Variants in NUP54 observed in about 807,000 individuals in gnomAD.
The protein encoded by NUP54 is nucleoporin p54.
In NUP54, 27 loss-of-function variants were observed where a neutral mutation model predicts 66.4. That is an observed-to-expected ratio of 0.41 (90% CI 0.30 to 0.56). The LOEUF is 0.56. NUP54 is among the 20% of genes least tolerant of loss of function. NUP54 has a pLI of 0.34. For synonymous variants in NUP54, 206 were observed against 210.7 expected, an observed-to-expected ratio of 0.98 and a Z score of 0.19; for missense variants, 486 against 596.3, an observed-to-expected ratio of 0.82 and a Z score of 1.93.
intron 8 of NUP54, among the ~76,000 whole-genome samples, chr4:76,125,781 G>A: frequency 2.2e-5 from 1 of 45,810 alleles, no homozygotes; most frequent in Non-Finnish European, 4.2e-5. Flanking sequence ...GAGAGGGAGA[G>A]AGGGGGAGAG....
Position 76,124,636 on chromosome 4 carries a change from T to A in NUP54, c.1164+13A>T, listed in dbSNP as rs775358038. On this transcript the variant is annotated intron_variant, in intron 9 of 11. Transcript: ENST00000264883. Reference sequence around the variant, plus strand: ...GTCTTATAAACACTGGGGGGGAAAATCCAAATTACTACCTGTAAAGTTCTA... The same window carrying A: ...GTCTTATAAACACTGGGGGGGAAAAACCAAATTACTACCTGTAAAGTTCTA... 1.3e-5 allele frequency: 17 copies of A among 1,352,736 alleles called. No homozygotes were observed. The highest frequency in any genetic ancestry group is 3.5e-5 in the Admixed American group (2 of 57,310). The allele number at this position is 1,352,736 out of a possible 1,614,324, so 83.8% of individuals were successfully genotyped here. A position where few individuals can be genotyped will look rare whatever the true frequency, so the allele number is the denominator to read the frequency against.
intron 11 of NUP54, 144 bp downstream of exon 11, chr4:76,117,520 A>C: frequency 1.7e-6 from 1 of 579,782 alleles, no homozygotes; most frequent in East Asian, 2.9e-5. Context: ...AGGCTGAACC[A>C]TTTTACATTC....
chr4:76,117,565 A>G, intron 11 of NUP54, 99 bp downstream of exon 11: 10 of 733,014 alleles, frequency 1.4e-5, no homozygotes, highest in Non-Finnish European at 2.3e-6. Context: ...ATTTCTCCAC[A>G]TTCTCACTAA....
In NUP54 at chr4:76,115,308, A is replaced by T. The variant is rs1729900205; in HGVS notation, c.*58T>A. Reference sequence around the variant, plus strand: ...CATGTGGTCGGTTTCATTCTTAAGGAAGGTCTGATGCAGTAAGAAGATGCA... The same window carrying T: ...CATGTGGTCGGTTTCATTCTTAAGGTAGGTCTGATGCAGTAAGAAGATGCA... On this transcript the variant is annotated 3_prime_UTR_variant, in exon 12 of 12. Coordinates refer to ENST00000264883, the MANE Select transcript of NUP54 (RefSeq NM_017426.4). The T allele has an allele frequency of 1.4e-6, 2 of 1,416,176 alleles. No individual in the cohort carries two copies. Among genetic ancestry groups the T allele is most frequent in the East Asian group, 5.3e-5 (2 of 37,656 alleles). The allele number at this position is 1,416,176 out of a possible 1,614,324, so 87.7% of individuals were successfully genotyped here. A position where few individuals can be genotyped will look rare whatever the true frequency, so the allele number is the denominator to read the frequency against.
intron 6 of NUP54, among the ~76,000 whole-genome samples, chr4:76,131,829 C>T (rs1324858095): frequency 6.6e-6 from 1 of 151,798 alleles, no homozygotes; most frequent in Non-Finnish European, 1.5e-5. Context: ...GACATGTTTA[C>T]AAGGATATTG....
intron 8 of NUP54, among the ~76,000 whole-genome samples, chr4:76,125,631 G>A (rs72501289): frequency 0.18 from 8,864 of 49,950 alleles, 1,072 homozygotes; most frequent in East Asian, 0.56. Flanking sequence ...AGAGGGAGAG[G>A]GGGAGAGGGG....
intron 8 of NUP54, among the ~76,000 whole-genome samples, chr4:76,125,434 G>A: frequency 6.6e-6 from 1 of 151,414 alleles, no homozygotes; most frequent in Non-Finnish European, 1.5e-5. Context: ...AGGATTTTGA[G>A]ACAAGCTTGG....
intron 9 of NUP54, among the ~76,000 whole-genome samples, chr4:76,122,838 A>G (rs1341699151): frequency 6.6e-6 from 1 of 152,256 alleles, no homozygotes; most frequent in Non-Finnish European, 1.5e-5. Flanking sequence ...TGGTATAGCC[A>G]TATGATGGAA....
chr4:76,128,368 T>G (rs1375733992), intron 8 of NUP54, among the ~76,000 whole-genome samples: 1 of 143,812 alleles, frequency 7.0e-6, no homozygotes, highest in Non-Finnish European at 1.5e-5. Context: ...GCTCTAAGAC[T>G]TGAAATAATA....
Position 76,118,146 on chromosome 4 carries a change from C to T in NUP54, c.1213G>A (p.Ala405Thr). ...TGAACTCGCAACTGCTCTTCATCAG[C>T]CTGAATGGCATAACCACTCTTCCTT... The part of the protein sequence containing the change: ...IQRKSGYAIQ[A>T]DEEQLRVQLD... The change falls in exon 10 of 12, where the codon GCT becomes ACT. Residue 405 changes from alanine to threonine, a missense_variant. Physicochemically the swap from Ala to Thr is moderately conservative, Grantham distance 58 (BLOSUM62 0). Transcript: ENST00000264883. 6.2e-7 allele frequency: 1 copy of T among 1,613,498 alleles called. No individual in the cohort carries two copies. The highest frequency in any genetic ancestry group is 8.5e-7 in the Non-Finnish European group (1 of 1,179,456).
intron 4 of NUP54, 57 bp from the exon 5 acceptor site, chr4:76,134,419 TTTAATA>T (rs1730943913): frequency 1.5e-6 from 2 of 1,377,328 alleles, no homozygotes; most frequent in Non-Finnish European, 1.0e-6. Context: ...AAATCAGGTG[TTTAATA>T]TTAATAGCTT....
At chr4:76,141,719 C>G (rs182461147) in intron 3 of NUP54, among the ~76,000 whole-genome samples, 50 of 152,188 alleles carry the variant, frequency 3.3e-4, no homozygotes, top group African/African-American at 1.1e-3. Context: ...TTGTATTTCT[C>G]TAAGAGATAC....
intron 8 of NUP54, among the ~76,000 whole-genome samples, chr4:76,127,170 C>T (rs994048648): frequency 3.9e-5 from 6 of 152,082 alleles, no homozygotes; most frequent in East Asian, 1.9e-4. Flanking sequence ...CAGTGGCTCA[C>T]GCCTGTAATC....
At chr4:76,145,234 C>T (rs11941824) in intron 1 of NUP54, among the ~76,000 whole-genome samples, 52,354 of 148,926 alleles carry the variant, frequency 0.35, 10,230 homozygotes, top group East Asian at 0.55. Context: ...AGGAGAATGG[C>T]GTGGACCCGG....
chr4:76,144,447 ATGT>A lies in NUP54; in HGVS notation c.91_93del (p.Thr31del). ...CTGAATGCAGAACCTGCAGTTGTAGATGTTGTCCCAAATCCTCCAAACCCACCT... is the reference window on the plus strand; with the variant it reads ...CTGAATGCAGAACCTGCAGTTGTAGATGTCCCAAATCCTCCAAACCCACCT... On this transcript the variant is annotated inframe_deletion, in exon 2 of 12. Coordinates refer to ENST00000264883, the MANE Select transcript of NUP54 (RefSeq NM_017426.4). 7.5e-6 allele frequency: 12 copies of A among 1,606,494 alleles called. No homozygotes were observed. Among genetic ancestry groups the A allele is most frequent in the Non-Finnish European group, 1.0e-5 (12 of 1,177,984 alleles).
chr4:76,132,909 G>A (rs1730870465), intron 5 of NUP54, among the ~76,000 whole-genome samples, 190 bp from the exon 6 acceptor site: 2 of 148,878 alleles, frequency 1.3e-5, no homozygotes, highest in South Asian at 4.3e-4. Flanking sequence ...AGGCTGGAGT[G>A]CAGTGGTATC....
At chr4:76,119,334 T>C (rs57960366) in intron 9 of NUP54, among the ~76,000 whole-genome samples, 20,007 of 152,102 alleles carry the variant, frequency 0.13, 1,547 homozygotes, top group East Asian at 0.35. Flanking sequence ...AGATCCAAAA[T>C]AAAACTAAAC....
intron 11 of NUP54, among the ~76,000 whole-genome samples, chr4:76,116,659 T>G (rs1729964125): frequency 6.6e-6 from 1 of 152,232 alleles, no homozygotes; most frequent in African/African-American, 2.4e-5. Context: ...ATAACTTACA[T>G]GCGACATATA....
chr4:76,131,227 T>C lies in NUP54; in HGVS notation c.962+3A>G. The C allele has an allele frequency of 1.9e-6, 3 of 1,574,596 alleles. No homozygotes were observed. The highest frequency in any genetic ancestry group is 2.6e-6 in the Non-Finnish European group (3 of 1,149,156). ...AAATGAAACAAGATGAAGACATACT[T>C]ACTTTTCAGAATCAGGGTTATCTAC... On this transcript the variant is annotated splice_donor_region_variant and intron_variant, in intron 7 of 11. Coordinates refer to ENST00000264883, the MANE Select transcript of NUP54 (RefSeq NM_017426.4).
Sources: gnomAD v4.1 joint callset for allele counts (sites outside exome capture counted in the v4.1 genomes callset) on GRCh38, gnomAD v4.1.1 for gene constraint, MANE v1.5 for transcripts, NCBI Gene and HGNC (gene_info 2026-07-23, HGNC 2026-07-21) for gene names.